Variants in MACROD2 observed in about 807,000 individuals in gnomAD.
MACROD2 encodes ADP-ribose glycohydrolase MACROD2.
Under a neutral mutation model 70.4 loss-of-function variants are expected in MACROD2, and 36 were observed. That is an observed-to-expected ratio of 0.51 (90% CI 0.39 to 0.68). The LOEUF (loss-of-function observed/expected upper bound fraction) is 0.68, where lower values mean the gene tolerates loss of function less well. Ranked by LOEUF, MACROD2 falls within the 30% of genes least tolerant of loss-of-function variation. The pLI is 0.00. For missense variants in MACROD2, 496 were observed against 538.4 expected, an observed-to-expected ratio of 0.92 and a Z score of 0.78; for synonymous variants, 172 against 178.8, an observed-to-expected ratio of 0.96 and a Z score of 0.30.
chr20:14,707,401 C>G (rs1465009800), intron 5 of MACROD2, among the ~76,000 whole-genome samples: 2 of 152,132 alleles, frequency 1.3e-5, no homozygotes, highest in Non-Finnish European at 2.9e-5. Flanking sequence ...ATAGAAGAGC[C>G]TCGGTTTTCT....
rs114294200 is a variant in MACROD2, at chr20:15,321,148, G to A, written c.540+91087G>A. On this transcript the variant is annotated intron_variant, in intron 6 of 17. Transcript: ENST00000684519. ...TTGTGGCCTTATGGCAAAGTCAGTTGATAGGGCTGCCAGGCAGACAGTGAG... is the reference window on the plus strand; with the variant it reads ...TTGTGGCCTTATGGCAAAGTCAGTTAATAGGGCTGCCAGGCAGACAGTGAG... Among the ~76,000 whole-genome samples, 345 of 104,580 alleles carry A rather than the reference G, an allele frequency of 3.3e-3. 26 individuals carry two copies. Among genetic ancestry groups the A allele is most frequent in the African/African-American group, 9.7e-3 (329 of 34,034 alleles). The allele number at this position is 104,580 out of a possible 152,430, so 68.6% of individuals were successfully genotyped here. A position where few individuals can be genotyped will look rare whatever the true frequency, so the allele number is the denominator to read the frequency against.
At chr20:14,698,783 TAA>T (rs1227616595) in intron 5 of MACROD2, among the ~76,000 whole-genome samples, 3 of 149,044 alleles carry the variant, frequency 2.0e-5, no homozygotes, top group African/African-American at 7.3e-5. Flanking sequence ...TTTAATTAAA[TAA>T]TTACATTTAA....
intron 5 of MACROD2, among the ~76,000 whole-genome samples, chr20:15,109,444 G>C (rs2075937599): frequency 6.6e-6 from 1 of 152,082 alleles, no homozygotes; most frequent in South Asian, 2.1e-4. Flanking sequence ...ATTTTTAAAG[G>C]GTTGCTGACA....
chr20:14,016,937 G>C (rs1465098847), intron 2 of MACROD2, among the ~76,000 whole-genome samples: 1 of 151,918 alleles, frequency 6.6e-6, no homozygotes, highest in Non-Finnish European at 1.5e-5. Context: ...ATTTTGGGTA[G>C]TGTTGTCATC....
At chr20:15,587,323 A>G (rs1218232316) in intron 8 of MACROD2, among the ~76,000 whole-genome samples, 1 of 152,190 alleles carries the variant, frequency 6.6e-6, no homozygotes, top group African/African-American at 2.4e-5. Flanking sequence ...GGTCCCTCCC[A>G]CAACACGTGG....
chr20:15,273,761 G>A (rs55946802), intron 6 of MACROD2, among the ~76,000 whole-genome samples: 22,577 of 152,144 alleles, frequency 0.15, 1,963 homozygotes, highest in Non-Finnish European at 0.2. Context: ...ATGGTGAATG[G>A]TGGGAGAATT....
At chr20:15,293,697 C>T (rs956284838) in intron 6 of MACROD2, among the ~76,000 whole-genome samples, 1 of 152,060 alleles carries the variant, frequency 6.6e-6, no homozygotes, top group Non-Finnish European at 1.5e-5. Context: ...CTTGTAGGCC[C>T]CAGGGAAAGA....
At chr20:14,042,545 C>T (rs1025931742) in intron 2 of MACROD2, among the ~76,000 whole-genome samples, 1 of 152,178 alleles carries the variant, frequency 6.6e-6, no homozygotes, top group Non-Finnish European at 1.5e-5. Flanking sequence ...GTCGCCCGGG[C>T]TAGAGTACAG....
intron 8 of MACROD2, among the ~76,000 whole-genome samples, chr20:15,825,788 G>A (rs528449563): frequency 6.6e-6 from 1 of 152,232 alleles, no homozygotes; most frequent in South Asian, 2.1e-4. Context: ...CTTTCTTGGT[G>A]TTGGAATATC....
At position 14,468,402 on chromosome 20, in the gene MACROD2, A is replaced by T. The variant is rs187218837; in HGVS notation, c.272-25077A>T. Among the ~76,000 whole-genome samples, 66 of 145,864 alleles carry T rather than the reference A, an allele frequency of 4.5e-4. 1 individual carries two copies. Among genetic ancestry groups the T allele is most frequent in the Non-Finnish European group, 7.3e-4 (49 of 67,002 alleles). On this transcript the variant is annotated intron_variant, in intron 3 of 17. Transcript: ENST00000684519. The stretch of plus-strand genomic sequence containing the variant: ...TATTTTCTGATCTTTCTTCGTTTAA[A>T]GTCTGTTTTATCAGAGACTAGGATT...
intron 8 of MACROD2, among the ~76,000 whole-genome samples, chr20:15,835,258 TAA>T (rs1491274993): frequency 0.78 from 118,015 of 151,416 alleles, 46,336 homozygotes; most frequent in African/African-American, 0.84. Context: ...TAATAATTAT[TAA>T]TTCAGTAATT....
At chr20:14,526,798 C>A (rs1212116340) in intron 4 of MACROD2, among the ~76,000 whole-genome samples, 1 of 152,204 alleles carries the variant, frequency 6.6e-6, no homozygotes, top group African/African-American at 2.4e-5. Context: ...ACGACAGTGT[C>A]TAGGGGTGAA....
At chr20:14,651,303 C>T (rs1421814573) in intron 4 of MACROD2, among the ~76,000 whole-genome samples, 1 of 151,896 alleles carries the variant, frequency 6.6e-6, no homozygotes, top group African/African-American at 2.4e-5. Flanking sequence ...TTCAACAGGT[C>T]AAGAAGATTA....
intron 7 of MACROD2, among the ~76,000 whole-genome samples, chr20:15,490,151 CTTCCTTCCTTCCTTCCTCCT>C (rs1385684987): frequency 2.0e-5 from 3 of 150,858 alleles, no homozygotes; most frequent in East Asian, 2.0e-4. Flanking sequence ...TCCTTCCTTC[CTTCCTTCCTTCCTTCCTCCT>C]TTCCTTCCTT....
At chr20:15,549,081 C>CTT (rs2048062280) in intron 8 of MACROD2, among the ~76,000 whole-genome samples, 1 of 152,206 alleles carries the variant, frequency 6.6e-6, no homozygotes, top group African/African-American at 2.4e-5. Context: ...ATCCATCATC[C>CTT]TCAAAATTGT....
intron 3 of MACROD2, among the ~76,000 whole-genome samples, chr20:14,351,975 T>G (rs991200229): frequency 6.6e-6 from 1 of 152,228 alleles, no homozygotes; most frequent in African/African-American, 2.4e-5. Flanking sequence ...CAGCAGCAAT[T>G]GAAATGATCA....
At chr20:14,225,366 A>T (rs2081722735) in intron 3 of MACROD2, among the ~76,000 whole-genome samples, 1 of 152,232 alleles carries the variant, frequency 6.6e-6, no homozygotes, top group African/African-American at 2.4e-5. Flanking sequence ...GGAACAATAA[A>T]ATCTGATTCA....
At chr20:15,107,231 C>T (rs1048784769) in intron 5 of MACROD2, among the ~76,000 whole-genome samples, 39 of 151,786 alleles carry the variant, frequency 2.6e-4, no homozygotes, top group African/African-American at 8.9e-4. Flanking sequence ...TGAAAACAAA[C>T]ACACATATGA....
At chr20:15,334,628 T>C (rs1351126932) in intron 6 of MACROD2, among the ~76,000 whole-genome samples, 1 of 151,568 alleles carries the variant, frequency 6.6e-6, no homozygotes, top group Admixed American at 6.6e-5. Flanking sequence ...ATGTTAGCTA[T>C]TGAGAGTTAA....
Sources: gnomAD v4.1 joint callset for allele counts (sites outside exome capture counted in the v4.1 genomes callset) on GRCh38, gnomAD v4.1.1 for gene constraint, MANE v1.5 for transcripts, NCBI Gene and HGNC (gene_info 2026-07-23, HGNC 2026-07-21) for gene names.